The following CYRIB variants were observed in gnomAD, a reference collection of about 807,000 sequenced individuals.
The protein encoded by CYRIB is CYFIP-related Rac1 interactor B.
Under a neutral mutation model 44.2 loss-of-function variants are expected in CYRIB, and 8 were observed. The observed-to-expected ratio is 0.18, with a 90% CI of 0.11 to 0.33. The LOEUF (loss-of-function observed/expected upper bound fraction) is 0.33, where lower values mean the gene tolerates loss of function less well. CYRIB is among the 10% of genes least tolerant of loss of function. The probability of loss-of-function intolerance (pLI) is 1.00; values close to 1 mark genes in which losing one functional copy is unlikely to be tolerated. For synonymous variants in CYRIB, 131 were observed against 127.2 expected (o/e 1.03, Z -0.20); for missense variants, 185 against 382.8 (o/e 0.48, Z 4.31).
At chr8:129,880,550 T>C (rs954167876) in intron 2 of CYRIB, 1 of 438,264 alleles carries the variant, frequency 2.3e-6, no homozygotes, top group African/African-American at 2.1e-5. Context: ...CTCATAATTA[T>C]CAACAGGTGC....
At chr8:129,967,058 A>G (rs2095503569) in intron 2 of CYRIB, among the ~76,000 whole-genome samples, 2 of 152,120 alleles carry the variant, frequency 1.3e-5, no homozygotes. Flanking sequence ...AGTGGCCCAT[A>G]ATCACTTCAC....
chr8:129,949,633 C>T (rs187004292), intron 2 of CYRIB, among the ~76,000 whole-genome samples: 2 of 151,688 alleles, frequency 1.3e-5, no homozygotes, highest in Non-Finnish European at 2.9e-5. Context: ...TTTGGGAGGC[C>T]GAGGTGGGCA....
At chr8:130,014,241 G>A (rs1310863600) in intron 1 of CYRIB, among the ~76,000 whole-genome samples, 3 of 152,148 alleles carry the variant, frequency 2.0e-5, no homozygotes, top group African/African-American at 7.2e-5. Context: ...AGGAGTTCGG[G>A]CAACATGGAG....
At chr8:129,919,690 C>T (rs973259176) in intron 1 of CYRIB, among the ~76,000 whole-genome samples, 2 of 152,016 alleles carry the variant, frequency 1.3e-5, no homozygotes, top group South Asian at 2.1e-4. Flanking sequence ...TTTTTATATG[C>T]TTCAAATTAA....
chr8:129,861,831 T>G (rs1489399289), intron 5 of CYRIB, among the ~76,000 whole-genome samples: 2 of 152,180 alleles, frequency 1.3e-5, no homozygotes, highest in Non-Finnish European at 2.9e-5. Flanking sequence ...TTGATTTCTT[T>G]GGATGCTAAA....
chr8:130,006,634 A>G (rs1240586919), intron 1 of CYRIB, among the ~76,000 whole-genome samples: 1 of 131,002 alleles, frequency 7.6e-6, no homozygotes, highest in African/African-American at 2.8e-5. Context: ...ATATACATAT[A>G]TATGTGTATA....
intron 5 of CYRIB, among the ~76,000 whole-genome samples, chr8:129,861,997 A>G (rs542877911): frequency 6.6e-6 from 1 of 152,316 alleles, no homozygotes; most frequent in Admixed American, 6.5e-5. Flanking sequence ...CATGTATGTA[A>G]AACGACAGAT....
chr8:129,980,557 G>A (rs898179233), intron 1 of CYRIB, among the ~76,000 whole-genome samples: 1 of 151,964 alleles, frequency 6.6e-6, no homozygotes, highest in Non-Finnish European at 1.5e-5. Flanking sequence ...CCAGGTACTC[G>A]GGAGGCTGAG....
exon 12 of CYRIB, chr8:129,841,953 G>C (rs2036534180): frequency 5.3e-6 from 3 of 570,928 alleles, no homozygotes; most frequent in Non-Finnish European, 6.2e-6. Context: ...TCCCTTCAGA[G>C]TGTAACTTTA....
At chr8:129,892,706 T>C (rs1238870328) in intron 2 of CYRIB, among the ~76,000 whole-genome samples, 1 of 152,206 alleles carries the variant, frequency 6.6e-6, no homozygotes, top group Non-Finnish European at 1.5e-5. Context: ...GTTTGGGAAA[T>C]TAGTCTGACA....
chr8:129,842,364 G>C (rs1478753182), intron 11 of CYRIB, among the ~76,000 whole-genome samples, 159 bp from the exon 14 acceptor site: 3 of 152,170 alleles, frequency 2.0e-5, no homozygotes, highest in African/African-American at 7.2e-5. Context: ...TGCACAGCCT[G>C]TCATCCTCAC....
At chr8:130,000,685 C>CT (rs2096888116) in intron 1 of CYRIB, among the ~76,000 whole-genome samples, 1 of 151,950 alleles carries the variant, frequency 6.6e-6, no homozygotes, top group South Asian at 2.1e-4. Flanking sequence ...GAGCAAGACT[C>CT]TGTCTCAAAA....
At chr8:129,850,562 CTTCTG>C (rs1222348771) in intron 9 of CYRIB, 29 of 418,158 alleles carry the variant, frequency 6.9e-5, no homozygotes, top group Non-Finnish European at 1.1e-4. Context: ...ACCACCACCA[CTTCTG>C]TTCTGAGAAG....
chr8:129,956,842 C>CTCTTTCTT (rs1190373657), intron 2 of CYRIB, among the ~76,000 whole-genome samples: 2 of 125,004 alleles, frequency 1.6e-5, no homozygotes, highest in African/African-American at 3.0e-5. Flanking sequence ...CCCCCAGCCT[C>CTCTTTCTT]TCTTTCTTTC....
At chr8:129,946,329 C>T (rs771050138) in intron 2 of CYRIB, among the ~76,000 whole-genome samples, 37 of 152,228 alleles carry the variant, frequency 2.4e-4, no homozygotes, top group African/African-American at 7.7e-4. Context: ...TATCCAGTCT[C>T]GCTCCTCAAT....
At chr8:129,940,897 C>G (rs114323240), upstream of CYRIB, among the ~76,000 whole-genome samples, 587 of 152,222 alleles carry the variant, frequency 3.9e-3, 5 homozygotes, top group African/African-American at 0.014. Context: ...TTCATGCAAC[C>G]AGGGAGCCTA....
intron 1 of CYRIB, among the ~76,000 whole-genome samples, chr8:129,975,764 C>A (rs1462681463): frequency 6.6e-6 from 1 of 152,208 alleles, no homozygotes; most frequent in Non-Finnish European, 1.5e-5. Context: ...AAGTTTGCAG[C>A]AGTTGCTTAT....
intron 2 of CYRIB, among the ~76,000 whole-genome samples, chr8:129,963,727 GCT>G (rs901283903): frequency 3.3e-5 from 5 of 152,134 alleles, no homozygotes; most frequent in African/African-American, 1.2e-4. Flanking sequence ...GCTCTTAACA[GCT>G]CTCTCTGAGC....
intron 1 of CYRIB, chr8:129,912,213 G>A (rs1047147371): frequency 6.6e-6 from 1 of 151,796 alleles, no homozygotes; most frequent in African/African-American, 2.4e-5. Context: ...ATATATACAC[G>A]CTCCAAATTT....
Sources: gnomAD v4.1 joint callset for allele counts (sites outside exome capture counted in the v4.1 genomes callset) on GRCh38, gnomAD v4.1.1 for gene constraint, MANE v1.5 for transcripts, NCBI Gene and HGNC (gene_info 2026-07-23, HGNC 2026-07-21) for gene names.